Variants in PCDHA3 observed in about 807,000 individuals in gnomAD.
PCDHA3 encodes the protein protocadherin alpha-3.
A neutral mutation model predicts 62.2 loss-of-function variants in PCDHA3; 41 were observed. That is an observed-to-expected ratio of 0.66 (90% CI 0.51 to 0.86). The LOEUF (loss-of-function observed/expected upper bound fraction) is 0.86. Ranked by LOEUF, PCDHA3 falls within the 40% of genes least tolerant of loss-of-function variation. The pLI, the probability that PCDHA3 is intolerant of heterozygous loss-of-function variation, is 0.00. For synonymous variants in PCDHA3, 640 were observed against 555.4 expected, an observed-to-expected ratio of 1.15 and a Z score of -2.14; for missense variants, 1,304 against 1,241.2, an observed-to-expected ratio of 1.05 and a Z score of -0.76.
rs1554122218 is a variant in PCDHA3 at position 140,802,570 on chromosome 5, C to A, written c.1373C>A (p.Ser458Tyr). 1 of 1,614,158 alleles carries A rather than the reference C, an allele frequency of 6.2e-7. No individual in the cohort carries two copies. The highest frequency in any genetic ancestry group is 8.5e-7 in the Non-Finnish European group (1 of 1,180,040). The change falls in exon 1 of 4, where the codon TCC becomes TAC. Residue 458 changes from serine (S) to tyrosine (Y), a missense_variant. Ser to Tyr is a moderately radical substitution (Grantham distance 144, BLOSUM62 -2). Transcript: ENST00000522353. ...GACAATGCGCCGGCATTCTCGCAGTCCGAGTACACGGTGTTCGTGAAGGAG... is the reference window on the plus strand; with the variant it reads ...GACAATGCGCCGGCATTCTCGCAGTACGAGTACACGGTGTTCGTGAAGGAG... ...VNDNAPAFSQ[S>Y]EYTVFVKENN...
At chr5:140,849,348 G>A (rs1426659578) in intron 1 of PCDHA3, 2 of 1,434,152 alleles carry the variant, frequency 1.4e-6, no homozygotes, top group Non-Finnish European at 9.5e-7. Flanking sequence ...CTCCAGTGAT[G>A]TTTCTCCAGA....
intron 1 of PCDHA3, among the ~76,000 whole-genome samples, chr5:140,923,822 T>C (rs1377526546): frequency 6.6e-6 from 1 of 152,156 alleles, no homozygotes; most frequent in Non-Finnish European, 1.5e-5. Flanking sequence ...AAAATAGACG[T>C]CAGTGGCAGT....
At chr5:140,808,443 C>T in intron 1 of PCDHA3, 2 of 1,614,198 alleles carry the variant, frequency 1.2e-6, no homozygotes, top group Non-Finnish European at 1.7e-6. Flanking sequence ...GAGAGCGTGT[C>T]AGCCTATGAG....
At chr5:140,841,276 T>A in intron 1 of PCDHA3, 67 of 1,485,756 alleles carry the variant, frequency 4.5e-5, no homozygotes, top group Middle Eastern at 1.8e-4. Flanking sequence ...CAGTCGTTCA[T>A]CTTTATATTA....
intron 1 of PCDHA3, among the ~76,000 whole-genome samples, chr5:140,844,021 G>A (rs2150368279): frequency 1.3e-5 from 2 of 149,470 alleles, no homozygotes; most frequent in East Asian, 1.9e-4. Flanking sequence ...GACGTTCAGG[G>A]CATTTTGATC....
At chr5:141,005,130 T>C (rs2153983471) in intron 3 of PCDHA3, among the ~76,000 whole-genome samples, 1 of 152,358 alleles carries the variant, frequency 6.6e-6, no homozygotes, top group South Asian at 2.1e-4. Flanking sequence ...CAAAAGTGCC[T>C]CATTGGAGAG....
At chr5:140,905,704 T>C (rs960569704) in intron 1 of PCDHA3, among the ~76,000 whole-genome samples, 2 of 152,242 alleles carry the variant, frequency 1.3e-5, no homozygotes, top group African/African-American at 4.8e-5. Context: ...TCATTTATGA[T>C]TTCCTTCAGC....
intron 1 of PCDHA3, among the ~76,000 whole-genome samples, chr5:140,957,377 G>A (rs1001680224): frequency 3.3e-5 from 5 of 152,074 alleles, no homozygotes; most frequent in Admixed American, 2.0e-4. Context: ...TTATTATAGT[G>A]TATTGTTATA....
chr5:140,843,813 T>A, intron 1 of PCDHA3: 3 of 1,270,692 alleles, frequency 2.4e-6, no homozygotes, highest in Non-Finnish European at 3.3e-6. Flanking sequence ...TATTTTATAG[T>A]GAAAATTTAA....
intron 1 of PCDHA3, chr5:140,822,487 G>A: frequency 6.2e-7 from 1 of 1,613,762 alleles, no homozygotes; most frequent in South Asian, 1.1e-5. Context: ...TAATGATAAC[G>A]CCCCAGAATT....
chr5:140,927,530 G>A (rs2084329100), intron 1 of PCDHA3: 2 of 1,614,080 alleles, frequency 1.2e-6, no homozygotes, highest in Non-Finnish European at 1.7e-6. Flanking sequence ...CTACCTGCCC[G>A]CTCAGGAGAC....
At chr5:140,809,783 A>T (rs1764542228) in intron 1 of PCDHA3, 2 of 499,904 alleles carry the variant, frequency 4.0e-6, no homozygotes, top group Non-Finnish European at 6.9e-6. Flanking sequence ...AATGCATATT[A>T]ACAGAACTGT....
At chr5:140,964,454 T>C (rs1392277569) in intron 1 of PCDHA3, among the ~76,000 whole-genome samples, 1 of 152,132 alleles carries the variant, frequency 6.6e-6, no homozygotes, top group Admixed American at 6.5e-5. Flanking sequence ...CTGTAATCTC[T>C]TCCTTAAGTG....
At chr5:140,882,307 A>C in intron 1 of PCDHA3, 2 of 1,613,900 alleles carry the variant, frequency 1.2e-6, no homozygotes, top group Non-Finnish European at 1.7e-6. Context: ...GACCGCGGCA[A>C]CTACTGCTCT....
chr5:140,936,981 T>C (rs2153630854), intron 1 of PCDHA3, among the ~76,000 whole-genome samples: 1 of 152,330 alleles, frequency 6.6e-6, no homozygotes, highest in South Asian at 2.1e-4. Flanking sequence ...ATGAAGCTTG[T>C]TAACATTGAC....
intron 1 of PCDHA3, chr5:140,876,720 G>C (rs781797133): frequency 2.5e-6 from 4 of 1,614,264 alleles, no homozygotes; most frequent in Non-Finnish European, 3.4e-6. Flanking sequence ...TGGACCGCGA[G>C]AGCGTGTCGG....
intron 1 of PCDHA3, among the ~76,000 whole-genome samples, chr5:140,955,093 G>A (rs1554221774): frequency 6.6e-6 from 1 of 152,118 alleles, no homozygotes; most frequent in African/African-American, 2.4e-5. Flanking sequence ...TAGGTGTGTG[G>A]TGTTATTTCT....
rs7710953 is a variant in PCDHA3 at position 140,852,165 on chromosome 5, C to T, written c.2394+48574C>T. On this transcript the variant is annotated intron_variant, in intron 1 of 3. Coordinates refer to ENST00000522353, the MANE Select transcript of PCDHA3 (RefSeq NM_018906.3). ...GATCAGAATGGCCTTGAGAATAGAGCCACAAAAATAACTATGAAAATGCCA... is the reference window on the plus strand; with the variant it reads ...GATCAGAATGGCCTTGAGAATAGAGTCACAAAAATAACTATGAAAATGCCA... 4.5e-3 allele frequency: 3,690 copies of T among 821,522 alleles called. 269 individuals are homozygous for T. In the African/African-American group the frequency reaches 0.065, roughly 14 times the overall value. 50.9% of individuals were successfully genotyped at this position (821,522 alleles called of 1,614,324 possible).
At chr5:140,894,405 C>T (rs1277416530) in intron 1 of PCDHA3, among the ~76,000 whole-genome samples, 4 of 151,926 alleles carry the variant, frequency 2.6e-5, no homozygotes, top group African/African-American at 9.7e-5. Flanking sequence ...CTTTGCTTTT[C>T]TTTTGTAGCT....
Sources: gnomAD v4.1 joint callset for allele counts (sites outside exome capture counted in the v4.1 genomes callset) on GRCh38, gnomAD v4.1.1 for gene constraint, MANE v1.5 for transcripts, NCBI Gene and HGNC (gene_info 2026-07-23, HGNC 2026-07-21) for gene names.